FHOD3: variants seen among roughly 807,000 people sequenced by gnomAD.
FHOD3 encodes the protein formin homology 2 domain containing 3.
A neutral mutation model predicts 173.0 loss-of-function variants in FHOD3; 90 were observed. The observed-to-expected ratio is 0.52, with a 90% CI of 0.44 to 0.62. FHOD3 has a LOEUF of 0.62. Ranked by LOEUF, FHOD3 falls within the 20% of genes least tolerant of loss-of-function variation. FHOD3 has a pLI of 0.00. For missense variants in FHOD3, 1,945 were observed against 2,034.7 expected, an observed-to-expected ratio of 0.96 and a Z score of 0.85; for synonymous variants, 828 against 823.0, an observed-to-expected ratio of 1.01 and a Z score of -0.10.
At chr18:36,306,175 G>A (rs2092091037) in intron 1 of FHOD3, among the ~76,000 whole-genome samples, 1 of 152,216 alleles carries the variant, frequency 6.6e-6, no homozygotes, top group Non-Finnish European at 1.5e-5. Flanking sequence ...GGGCATGGGC[G>A]CTGGAGCCCC....
intron 1 of FHOD3, among the ~76,000 whole-genome samples, chr18:36,342,930 C>G (rs1453802274): frequency 6.6e-6 from 1 of 152,142 alleles, no homozygotes; most frequent in Admixed American, 6.5e-5. Context: ...ATGATCAAAA[C>G]CATTAGCCAT....
At chr18:36,727,718 C>T (rs1258852048) in intron 19 of FHOD3, among the ~76,000 whole-genome samples, 1 of 152,142 alleles carries the variant, frequency 6.6e-6, no homozygotes, top group African/African-American at 2.4e-5. Flanking sequence ...GCATGTCAGG[C>T]TCGGGGCCAC....
chr18:36,614,343 G>A (rs2032991086), intron 9 of FHOD3, among the ~76,000 whole-genome samples: 1 of 152,142 alleles, frequency 6.6e-6, no homozygotes, highest in South Asian at 2.1e-4. Context: ...GTTCATAGTT[G>A]TGCTGACAGT....
chr18:36,742,859 A>C lies in FHOD3; in HGVS notation c.3879+3A>C. The C allele has an allele frequency of 3.1e-6, 5 of 1,610,342 alleles. No homozygotes were observed. The highest frequency in any genetic ancestry group is 3.4e-6 in the Non-Finnish European group (4 of 1,178,808). On this transcript the variant is annotated splice_donor_region_variant and intron_variant, in intron 22 of 28. Coordinates refer to ENST00000590592, the MANE Select transcript of FHOD3 (RefSeq NM_001281740.3). ...GGAACTTTCTAAATGGAACTAATGTAAGTCATCCCCATCCCTCATCCTGTA... is the reference window on the plus strand; with the variant it reads ...GGAACTTTCTAAATGGAACTAATGTCAGTCATCCCCATCCCTCATCCTGTA...
chr18:36,325,260 A>G (rs534135018), intron 1 of FHOD3, among the ~76,000 whole-genome samples: 1 of 151,866 alleles, frequency 6.6e-6, no homozygotes, highest in African/African-American at 2.4e-5. Flanking sequence ...AGTTATATGG[A>G]TGTGCTCACT....
At chr18:36,373,711 C>T (rs977775540) in intron 3 of FHOD3, among the ~76,000 whole-genome samples, 1 of 152,204 alleles carries the variant, frequency 6.6e-6, no homozygotes, top group Non-Finnish European at 1.5e-5. Context: ...GATTGGTAAT[C>T]TTGTTGGAAA....
chr18:36,739,071 C>G (rs961080472), intron 20 of FHOD3, among the ~76,000 whole-genome samples: 4 of 152,172 alleles, frequency 2.6e-5, no homozygotes, highest in African/African-American at 7.2e-5. Context: ...AAAAGCAATC[C>G]TTAGCTGCCC....
chr18:36,597,308 C>G (rs952684907), intron 7 of FHOD3, among the ~76,000 whole-genome samples: 1 of 152,096 alleles, frequency 6.6e-6, no homozygotes, highest in African/African-American at 2.4e-5. Context: ...TCTGTCAGAC[C>G]AAGTCTCTCC....
chr18:36,758,209 C>T (rs114301140), intron 25 of FHOD3, among the ~76,000 whole-genome samples: 5 of 152,280 alleles, frequency 3.3e-5, no homozygotes, highest in African/African-American at 7.2e-5. Flanking sequence ...TGGAATGTTA[C>T]GGACTGGAAG....
In FHOD3 at chr18:36,480,950, A is replaced by G. The variant is rs962357376; in HGVS notation, c.338-20982A>G. Among the ~76,000 whole-genome samples the G allele has an allele frequency of 5.4e-5, 8 of 147,592 alleles. 1 individual carries two copies. Among genetic ancestry groups the G allele is most frequent in the African/African-American group, 2.1e-4 (8 of 37,620 alleles). ...TAGGAAAGCATTCATGTTCTCTGGA[A>G]ACTCAGGCCATTTCCAACCACAGTT... On this transcript the variant is annotated intron_variant, in intron 3 of 28. Transcript: ENST00000590592.
At chr18:36,738,982 TC>T (rs2041776163) in intron 20 of FHOD3, among the ~76,000 whole-genome samples, 1 of 152,186 alleles carries the variant, frequency 6.6e-6, no homozygotes, top group Non-Finnish European at 1.5e-5. Flanking sequence ...TGTTTTCTGG[TC>T]CCAACCCTGA....
intron 1 of FHOD3, among the ~76,000 whole-genome samples, chr18:36,331,017 T>G (rs190614629): frequency 1.2e-3 from 189 of 152,298 alleles, no homozygotes; most frequent in Non-Finnish European, 2.2e-3. Flanking sequence ...ATTCCTGTTC[T>G]GATGATAGCC....
Position 36,309,660 on chromosome 18 carries a change from T to C in FHOD3, c.165+11660T>C, listed in dbSNP as rs751004437. ...CCCGGAAGTGAGAGAGGTTATCCAG[T>C]CTTCCTGCTGCTCCTCCATCCAACC... is the stretch of plus-strand genomic sequence containing the variant. On this transcript the variant is annotated intron_variant, in intron 1 of 28. Transcript: ENST00000590592. Among the ~76,000 whole-genome samples the C allele has an allele frequency of 2.0e-5, 3 of 152,156 alleles. No individual in the cohort carries two copies. The East Asian group carries it at 5.8e-4, about 29-fold the overall frequency.
At chr18:36,730,580 A>T (rs1317181879) in intron 19 of FHOD3, 66 bp from the exon 20 acceptor site, 9 of 1,516,542 alleles carry the variant, frequency 5.9e-6, no homozygotes, top group South Asian at 1.2e-5. Flanking sequence ...AGTGCTTTTA[A>T]TAATGAAATG....
chr18:36,418,100 CA>C (rs2049771592), intron 3 of FHOD3, among the ~76,000 whole-genome samples: 1 of 152,210 alleles, frequency 6.6e-6, no homozygotes, highest in Non-Finnish European at 1.5e-5. Context: ...TGACACTTGT[CA>C]GTTCTCACTT....
intron 3 of FHOD3, among the ~76,000 whole-genome samples, chr18:36,376,690 A>G (rs1002917233): frequency 3.5e-4 from 54 of 152,320 alleles, no homozygotes; most frequent in Admixed American, 2.5e-3. Context: ...AGAGAAGGCC[A>G]CTCCATTAAT....
chr18:36,776,325 G>A (rs2043648445), intron 28 of FHOD3, among the ~76,000 whole-genome samples: 1 of 152,114 alleles, frequency 6.6e-6, no homozygotes. Flanking sequence ...CATCGCAGAG[G>A]CTCAGGGTGT....
At chr18:36,379,998 G>A (rs1349340727) in intron 3 of FHOD3, among the ~76,000 whole-genome samples, 1 of 152,166 alleles carries the variant, frequency 6.6e-6, no homozygotes, top group Non-Finnish European at 1.5e-5. Context: ...GTGGGTGCAT[G>A]TCAATGTATT....
At chr18:36,406,491 G>T (rs920492564) in intron 3 of FHOD3, among the ~76,000 whole-genome samples, 1 of 152,150 alleles carries the variant, frequency 6.6e-6, no homozygotes. Flanking sequence ...ATTAGGAGTG[G>T]TTGGGGGTGG....
Sources: allele counts gnomAD v4.1 joint callset (sites outside exome capture counted in the v4.1 genomes callset), GRCh38; gene constraint gnomAD v4.1.1; transcripts MANE v1.5; gene names NCBI Gene and HGNC (gene_info 2026-07-23, HGNC 2026-07-21).